Variants in RAPGEF2 observed in about 807,000 individuals in gnomAD.
RAPGEF2 encodes Rap guanine nucleotide exchange factor 2, also known as PDZ domain containing guanine nucleotide exchange factor (GEF) 1.
A neutral mutation model predicts 186.7 loss-of-function variants in RAPGEF2; 54 were observed. That is an observed-to-expected ratio of 0.29 (90% CI 0.23 to 0.36). RAPGEF2 has a LOEUF of 0.36. Among genes scored for constraint, RAPGEF2 ranks in the 10% least tolerant of loss-of-function variants. RAPGEF2 has a pLI of 1.00. For synonymous variants in RAPGEF2, 712 were observed against 705.9 expected, an observed-to-expected ratio of 1.01 and a Z score of -0.14; for missense variants, 1,532 against 2,045.0, an observed-to-expected ratio of 0.75 and a Z score of 4.84.
intron 17 of RAPGEF2, among the ~76,000 whole-genome samples, chr4:159,335,939 C>T (rs1376308575): frequency 6.6e-6 from 1 of 151,460 alleles, no homozygotes; most frequent in African/African-American, 2.4e-5. Context: ...TTGTCCTGAG[C>T]CCATAGTAAT....
rs975930263 is a variant in RAPGEF2 at position 159,359,791 on chromosome 4, A to G, written c.*1652A>G. 12 of 152,186 alleles carry G rather than the reference A, an allele frequency of 7.9e-5. No individual in the cohort carries two copies. Among genetic ancestry groups the G allele is most frequent in the African/African-American group, 2.9e-4 (12 of 41,434 alleles). The allele number at this position is 152,186 out of a possible 1,614,324, so 9.4% of individuals were successfully genotyped here. A position where few individuals can be genotyped will look rare whatever the true frequency, so the allele number is the denominator to read the frequency against. Reference sequence around the variant, plus strand: ...GTAATATGCATTATTTGCCAGTTTTATTATATAGGCTATGGACCTCATGTG... The same window carrying G: ...GTAATATGCATTATTTGCCAGTTTTGTTATATAGGCTATGGACCTCATGTG... On this transcript the variant is annotated 3_prime_UTR_variant, in exon 30 of 30. Transcript: ENST00000691494.
chr4:159,122,281 C>G (rs1239786683), intron 1 of RAPGEF2, among the ~76,000 whole-genome samples: 2 of 151,852 alleles, frequency 1.3e-5, no homozygotes, highest in Non-Finnish European at 2.9e-5. Context: ...GAGTTTGAGA[C>G]CAGCCTGACC....
At chr4:159,118,624 T>C (rs1739316012) in intron 1 of RAPGEF2, among the ~76,000 whole-genome samples, 1 of 152,104 alleles carries the variant, frequency 6.6e-6, no homozygotes, top group South Asian at 2.1e-4. Flanking sequence ...TTGCTCTTGT[T>C]GCCCAGGCTG....
At chr4:159,316,187 A>G (rs1001677365) in intron 9 of RAPGEF2, among the ~76,000 whole-genome samples, 6 of 151,992 alleles carry the variant, frequency 3.9e-5, no homozygotes, top group East Asian at 3.8e-4. Flanking sequence ...ACTCCTCACT[A>G]TGTCCCCTCA....
chr4:159,160,818 G>T (rs1251619487), intron 1 of RAPGEF2, among the ~76,000 whole-genome samples: 1 of 151,864 alleles, frequency 6.6e-6, no homozygotes, highest in Admixed American at 6.6e-5. Flanking sequence ...GAAATTTTTT[G>T]AGTACGATGT....
intron 1 of RAPGEF2, among the ~76,000 whole-genome samples, chr4:159,171,296 C>T (rs1302008946): frequency 6.6e-6 from 1 of 152,166 alleles, no homozygotes; most frequent in Non-Finnish European, 1.5e-5. Flanking sequence ...AATAATGTTC[C>T]ACATGCCAGT....
rs779299967 is a variant in RAPGEF2 at position 159,339,111 on chromosome 4, C to T, written c.2294-3C>T. 1.2e-6 allele frequency: 2 copies of T among 1,610,528 alleles called. No homozygotes were observed. Among genetic ancestry groups the T allele is most frequent in the African/African-American group, 2.7e-5 (2 of 74,836 alleles). On this transcript the variant is annotated splice_region_variant and splice_polypyrimidine_tract_variant and intron_variant, in intron 18 of 29. Transcript: ENST00000691494. ...TTATGTGTGTGATTTTTCTTTCCCC[C>T]AGACTTGCCAGATCAAGTGCTAAGG...
intron 7 of RAPGEF2, among the ~76,000 whole-genome samples, chr4:159,255,972 T>C (rs897596289): frequency 1.3e-5 from 2 of 152,240 alleles, no homozygotes; most frequent in African/African-American, 4.8e-5. Flanking sequence ...AATCTTTTAG[T>C]AAGCATTTCA....
chr4:159,203,205 G>A (rs1258420185), intron 3 of RAPGEF2, among the ~76,000 whole-genome samples: 1 of 152,136 alleles, frequency 6.6e-6, no homozygotes, highest in Non-Finnish European at 1.5e-5. Flanking sequence ...GAGGCTCTTA[G>A]ATCCTGGCTC....
intron 1 of RAPGEF2, among the ~76,000 whole-genome samples, chr4:159,108,585 CT>C (rs1165847421): frequency 1.3e-5 from 2 of 152,022 alleles, no homozygotes; most frequent in African/African-American, 4.8e-5. Flanking sequence ...AGAAAATTCA[CT>C]GCATTTTTTC....
At position 159,177,997 on chromosome 4, in the gene RAPGEF2, T is replaced by G. The variant is rs537235293; in HGVS notation, c.70-8645T>G. ...GCTCCTTTCTCTTCCTCCTTATGTT[T>G]AAGTCCATAGACATTTACCACTTAG... On this transcript the variant is annotated intron_variant, in intron 1 of 29. Coordinates refer to ENST00000691494, the MANE Select transcript of RAPGEF2 (RefSeq NM_001394067.2). Among the ~76,000 whole-genome samples the G allele has an allele frequency of 7.2e-5, 11 of 152,328 alleles. 1 individual carries two copies. The South Asian group carries it at 2.1e-3, about 29-fold the overall frequency.
intron 8 of RAPGEF2, among the ~76,000 whole-genome samples, chr4:159,309,930 T>C (rs1763765432): frequency 6.6e-6 from 1 of 152,220 alleles, no homozygotes; most frequent in African/African-American, 2.4e-5. Flanking sequence ...TGTATTCTTA[T>C]TTTGTATCAT....
At position 159,158,575 on chromosome 4, in the gene RAPGEF2, A is replaced by G. The variant is rs1374618267; in HGVS notation, c.70-28067A>G. On this transcript the variant is annotated intron_variant, in intron 1 of 29. Coordinates refer to ENST00000691494, the MANE Select transcript of RAPGEF2 (RefSeq NM_001394067.2). ...AGTTCCTTTATTGAACATTTTGTGT[A>G]AATATTCTCTTTGTGGGCAGGGAGA... is the stretch of plus-strand genomic sequence containing the variant. Among the ~76,000 whole-genome samples the G allele has an allele frequency of 1.1e-4, 17 of 152,308 alleles. 1 individual carries two copies. In the East Asian group the frequency reaches 2.9e-3, roughly 26 times the overall value.
intron 7 of RAPGEF2, among the ~76,000 whole-genome samples, chr4:159,283,387 G>A (rs1336715366): frequency 6.6e-6 from 1 of 152,064 alleles, no homozygotes; most frequent in Non-Finnish European, 1.5e-5. Context: ...GAAAACTTTT[G>A]TTATTGGTTC....
intron 1 of RAPGEF2, among the ~76,000 whole-genome samples, chr4:159,162,765 G>A (rs1744856805): frequency 6.6e-6 from 1 of 152,196 alleles, no homozygotes; most frequent in African/African-American, 2.4e-5. Context: ...AACCATGCAA[G>A]TTGCAGAGGT....
At chr4:159,298,700 C>T (rs541825099) in intron 7 of RAPGEF2, among the ~76,000 whole-genome samples, 12 of 152,126 alleles carry the variant, frequency 7.9e-5, no homozygotes, top group South Asian at 2.1e-4. Flanking sequence ...AGTGAAAGAT[C>T]GTGTCTATAG....
chr4:159,182,861 A>T (rs547897644), intron 1 of RAPGEF2, among the ~76,000 whole-genome samples: 1 of 152,346 alleles, frequency 6.6e-6, no homozygotes, highest in African/African-American at 2.4e-5. Context: ...TTAAAATTTA[A>T]CCAAGAGAGT....
At chr4:159,321,204 CT>C (rs33926132) in intron 9 of RAPGEF2, among the ~76,000 whole-genome samples, 58,066 of 140,034 alleles carry the variant, frequency 0.41, 12,536 homozygotes, top group African/African-American at 0.55. Context: ...GTCACTGCCA[CT>C]TTTTTTTTTT....
chr4:159,109,965 T>C (rs1738315294), intron 1 of RAPGEF2, among the ~76,000 whole-genome samples: 1 of 152,218 alleles, frequency 6.6e-6, no homozygotes, highest in Admixed American at 6.5e-5. Context: ...GATGTTCATT[T>C]TCCTGGCTTG....
Sources: allele counts gnomAD v4.1 joint callset (sites outside exome capture counted in the v4.1 genomes callset), GRCh38; gene constraint gnomAD v4.1.1; transcripts MANE v1.5; gene names NCBI Gene and HGNC (gene_info 2026-07-23, HGNC 2026-07-21).